The following DCP2 variants were observed in gnomAD, a reference collection of about 807,000 sequenced individuals.
DCP2 encodes the protein decapping mRNA 2, also known as m7GpppN-mRNA hydrolase.
In DCP2, 30 loss-of-function variants were observed where a neutral mutation model predicts 56.1. The ratio of observed to expected loss-of-function variants is 0.53; its 90% confidence interval spans 0.40 to 0.73. The LOEUF (loss-of-function observed/expected upper bound fraction) is 0.73. Ranked by LOEUF, DCP2 falls within the 30% of genes least tolerant of loss-of-function variation. DCP2 has a pLI of 0.00. For synonymous variants in DCP2, 197 were observed against 163.3 expected, an observed-to-expected ratio of 1.21 and a Z score of -1.57; for missense variants, 533 against 502.7, an observed-to-expected ratio of 1.06 and a Z score of -0.58.
rs966225697 is a variant in DCP2 at position 113,014,477 on chromosome 5, G to A, written c.*993G>A. On this transcript the variant is annotated 3_prime_UTR_variant, in exon 11 of 11. Coordinates refer to ENST00000389063, the MANE Select transcript of DCP2 (RefSeq NM_152624.6). ...CTGCTAAGCCCCTGGATGATGGAGCGAGAAGGGAAGGGGTATGCAGTTTAC... is the reference window on the plus strand; with the variant it reads ...CTGCTAAGCCCCTGGATGATGGAGCAAGAAGGGAAGGGGTATGCAGTTTAC... 6.6e-6 allele frequency: 1 copy of A among 152,554 alleles called. No individual in the cohort carries two copies. The highest frequency in any genetic ancestry group is 1.5e-5 in the Non-Finnish European group (1 of 68,040). The allele number at this position is 152,554 out of a possible 1,614,324, so 9.5% of individuals were successfully genotyped here.
chr5:113,014,797 C>G lies in DCP2; in HGVS notation c.*1313C>G, dbSNP rs1383287822. 6.6e-6 allele frequency: 1 copy of G among 152,422 alleles called. No individual in the cohort carries two copies. The highest frequency in any genetic ancestry group is 1.5e-5 in the Non-Finnish European group (1 of 68,008). The allele number at this position is 152,422 out of a possible 1,614,324, so 9.4% of individuals were successfully genotyped here. A position where few individuals can be genotyped will look rare whatever the true frequency, so the allele number is the denominator to read the frequency against. On this transcript the variant is annotated 3_prime_UTR_variant, in exon 11 of 11. Transcript: ENST00000389063. ...AACTATCATGTGGGTTTTAAAAATC[C>G]TTTTTTACAGTGGTATCCACAAAAT...
At chr5:112,991,978 C>T (rs566969599) in intron 2 of DCP2, 143 bp from the exon 3 acceptor site, 2 of 1,224,396 alleles carry the variant, frequency 1.6e-6, no homozygotes, top group Non-Finnish European at 2.3e-6. Flanking sequence ...GCCATGGTGC[C>T]TGGCCAAAAT....
chr5:113,019,136 A>T lies in DCP2; in HGVS notation c.*5652A>T, dbSNP rs533113881. On this transcript the variant is annotated 3_prime_UTR_variant, in exon 11 of 11. Coordinates refer to ENST00000389063, the MANE Select transcript of DCP2 (RefSeq NM_152624.6). The stretch of plus-strand genomic sequence containing the variant: ...TTTAGTTCATTGAATCTGAGGTTCT[A>T]AATCTGTAGCTTCATTTTGAGCACA... 2.0e-5 allele frequency: 3 copies of T among 152,324 alleles called. No individual in the cohort carries two copies. In the East Asian group the frequency reaches 5.8e-4, roughly 29 times the overall value. 9.4% of individuals were successfully genotyped at this position (152,324 alleles called of 1,614,324 possible). A position where few individuals can be genotyped will look rare whatever the true frequency, so the allele number is the denominator to read the frequency against.
intron 1 of DCP2, chr5:112,984,703 A>AAAAAAAAATAT: frequency 4.6e-5 from 3 of 64,858 alleles, no homozygotes; most frequent in African/African-American, 2.4e-4. Context: ...AAAAAAAAAA[A>AAAAAAAAATAT]ATATATATAT....
At chr5:112,978,283 C>G (rs1027777678) in intron 1 of DCP2, among the ~76,000 whole-genome samples, 5 of 152,156 alleles carry the variant, frequency 3.3e-5, no homozygotes, top group Non-Finnish European at 5.9e-5. Flanking sequence ...CCTGGAGTTT[C>G]TACTGTGCAC....
At chr5:113,006,656 T>C (rs988776415) in intron 8 of DCP2, among the ~76,000 whole-genome samples, 1 of 152,174 alleles carries the variant, frequency 6.6e-6, no homozygotes, top group Non-Finnish European at 1.5e-5. Context: ...TCCTATTTAT[T>C]CTATTTTAGC....
At chr5:113,005,360 T>C (rs929286008) in intron 8 of DCP2, among the ~76,000 whole-genome samples, 1 of 152,128 alleles carries the variant, frequency 6.6e-6, no homozygotes, top group Non-Finnish European at 1.5e-5. Context: ...ATGACTTGAA[T>C]AGACAGTTCT....
At chr5:112,978,840 A>G (rs1191813809) in intron 1 of DCP2, among the ~76,000 whole-genome samples, 4 of 152,126 alleles carry the variant, frequency 2.6e-5, no homozygotes, top group Non-Finnish European at 5.9e-5. Context: ...AATTGAAGAT[A>G]AGTATTTAGA....
Position 113,020,616 on chromosome 5 carries a change from T to G in DCP2, c.*7132T>G, listed in dbSNP as rs1189492168. 6.6e-6 allele frequency: 1 copy of G among 152,240 alleles called. No individual in the cohort carries two copies. The highest frequency in any genetic ancestry group is 1.9e-4 in the East Asian group (1 of 5,202). 9.4% of individuals were successfully genotyped at this position (152,240 alleles called of 1,614,324 possible). A position where few individuals can be genotyped will look rare whatever the true frequency, so the allele number is the denominator to read the frequency against. Reference sequence around the variant, plus strand: ...ACGAAAGGATAAAGACTACCTGTATTGTTGGGTATGACTATCAAAGGATTT... The same window carrying G: ...ACGAAAGGATAAAGACTACCTGTATGGTTGGGTATGACTATCAAAGGATTT... On this transcript the variant is annotated 3_prime_UTR_variant, in exon 11 of 11. Coordinates refer to ENST00000389063, the MANE Select transcript of DCP2 (RefSeq NM_152624.6).
At chr5:113,013,053 C>A (rs557201639) in intron 10 of DCP2, among the ~76,000 whole-genome samples, 2 of 152,078 alleles carry the variant, frequency 1.3e-5, no homozygotes, top group Non-Finnish European at 2.9e-5. Flanking sequence ...GGTAAAGTTA[C>A]GCTCATTTTG....
chr5:112,979,377 T>C (rs1487375959), intron 1 of DCP2, among the ~76,000 whole-genome samples: 1 of 152,218 alleles, frequency 6.6e-6, no homozygotes, highest in Non-Finnish European at 1.5e-5. Flanking sequence ...ATTCAAGCTT[T>C]TCATTGTAGA....
chr5:112,989,324 A>C (rs903865678), intron 2 of DCP2, among the ~76,000 whole-genome samples: 5 of 152,206 alleles, frequency 3.3e-5, no homozygotes, highest in Non-Finnish European at 5.9e-5. Flanking sequence ...AATAGTGCCT[A>C]ATTCAAAGGG....
At chr5:112,991,599 T>C (rs1355434664) in intron 2 of DCP2, among the ~76,000 whole-genome samples, 1 of 152,242 alleles carries the variant, frequency 6.6e-6, no homozygotes, top group Non-Finnish European at 1.5e-5. Context: ...ACCTCATTCA[T>C]ACTTCTCCTT....
Position 113,008,907 on chromosome 5 carries a change from G to C in DCP2, c.1047+865G>C, listed in dbSNP as rs577755802. On this transcript the variant is annotated intron_variant, in intron 9 of 10. Transcript: ENST00000389063. Reference sequence around the variant, plus strand: ...TCACCAAGCTGGATTGCAGTGGCACGATCTCGGCTCACTGCAACCTCCACT... The same window carrying C: ...TCACCAAGCTGGATTGCAGTGGCACCATCTCGGCTCACTGCAACCTCCACT... Among the ~76,000 whole-genome samples, 237 of 151,522 alleles carry C rather than the reference G, an allele frequency of 1.6e-3. 4 individuals carry two copies. The South Asian group carries it at 0.024, about 15-fold the overall frequency.
intron 1 of DCP2, among the ~76,000 whole-genome samples, chr5:112,981,349 C>T (rs1057192926): frequency 1.3e-5 from 2 of 151,988 alleles, no homozygotes; most frequent in African/African-American, 2.4e-5. Flanking sequence ...ATTTGTTTTA[C>T]GAACTTACAG....
chr5:112,986,689 A>T (rs1748306087), intron 2 of DCP2, among the ~76,000 whole-genome samples: 2 of 151,928 alleles, frequency 1.3e-5, no homozygotes, highest in South Asian at 4.2e-4. Flanking sequence ...CAGTGTTTTC[A>T]GTTGTGTGGC....
intron 1 of DCP2, chr5:112,984,725 T>TATATATATATATATATATATATATATATA (rs1157313721): frequency 2.3e-4 from 31 of 135,546 alleles, no homozygotes; most frequent in African/African-American, 2.8e-4. Flanking sequence ...TATATATATA[T>TATATATATATATATATATATATATATATA]TTGAGACAGT....
chr5:112,981,396 G>A (rs376808609), intron 1 of DCP2, among the ~76,000 whole-genome samples: 1 of 152,174 alleles, frequency 6.6e-6, no homozygotes, highest in South Asian at 2.1e-4. Context: ...GATGATTAGT[G>A]CCTCATTTTT....
At chr5:112,989,424 A>G (rs1580803448) in intron 2 of DCP2, among the ~76,000 whole-genome samples, 1 of 150,866 alleles carries the variant, frequency 6.6e-6, no homozygotes, top group Admixed American at 6.6e-5. Flanking sequence ...GTTAACTATT[A>G]CTCCAAAAAA....
Sources: gnomAD v4.1 joint callset for allele counts (sites outside exome capture counted in the v4.1 genomes callset) on GRCh38, gnomAD v4.1.1 for gene constraint, MANE v1.5 for transcripts, NCBI Gene and HGNC (gene_info 2026-07-23, HGNC 2026-07-21) for gene names.